SAMD5: variants seen among roughly 807,000 people sequenced by gnomAD.
SAMD5 encodes the protein sterile alpha motif domain containing 5.
A neutral mutation model predicts 11.3 loss-of-function variants in SAMD5; 13 were observed. That is an observed-to-expected ratio of 1.15 (90% CI 0.75 to 1.83). The LOEUF (loss-of-function observed/expected upper bound fraction) is 1.83. Among genes scored for constraint, SAMD5 ranks in the 40% most tolerant of loss-of-function variants. The pLI, the probability that SAMD5 is intolerant of heterozygous loss-of-function variation, is 0.00. For synonymous variants in SAMD5, 129 were observed against 111.3 expected, an observed-to-expected ratio of 1.16 and a Z score of -1.00; for missense variants, 255 against 239.1, an observed-to-expected ratio of 1.07 and a Z score of -0.44.
the SAMD5 span, among the ~76,000 whole-genome samples, chr6:147,945,388 T>C: frequency 6.6e-6 from 1 of 152,236 alleles, no homozygotes; most frequent in Admixed American, 6.5e-5. Flanking sequence ...CTCCAAATTG[T>C]ACATTTCTTG....
the SAMD5 span, among the ~76,000 whole-genome samples, chr6:147,897,201 T>C: frequency 2.0e-5 from 3 of 152,200 alleles, no homozygotes. Flanking sequence ...AAAAATCTTA[T>C]AGCCCCAGCT....
intron 1 of SAMD5, among the ~76,000 whole-genome samples, chr6:147,631,125 G>A (rs916721993): frequency 1.2e-4 from 19 of 152,186 alleles, no homozygotes; most frequent in African/African-American, 4.6e-4. Context: ...GAGAGATTAA[G>A]CTGAAGGAAG....
rs117381777 is a variant in SAMD5, at chr6:147,585,220, G to T, written c.162+75833G>T. Among the ~76,000 whole-genome samples the T allele has an allele frequency of 9.9e-3, 1,514 of 152,244 alleles. 21 individuals are homozygous for T. Among genetic ancestry groups the T allele is most frequent in the Non-Finnish European group, 0.012 (817 of 68,024 alleles). On this transcript the variant is annotated intron_variant, in intron 1 of 1. Transcript: ENST00000566741. Reference sequence around the variant, plus strand: ...GATGGAGGATCTGTTCTGGAGAGGGGTGGAAGCGAGTGGAGGATTTTTAAA... The same window carrying T: ...GATGGAGGATCTGTTCTGGAGAGGGTTGGAAGCGAGTGGAGGATTTTTAAA...
chr6:147,851,153 AG>A, the SAMD5 span, among the ~76,000 whole-genome samples: 1 of 152,140 alleles, frequency 6.6e-6, no homozygotes, highest in South Asian at 2.1e-4. Context: ...CATGTTGGCC[AG>A]GCTGGTCTCA....
chr6:147,864,787 T>A, the SAMD5 span, among the ~76,000 whole-genome samples: 1 of 152,204 alleles, frequency 6.6e-6, no homozygotes, highest in African/African-American at 2.4e-5. Flanking sequence ...CCTTATGATA[T>A]CCCACATATG....
At chr6:147,602,194 C>G (rs182678295) in intron 1 of SAMD5, among the ~76,000 whole-genome samples, 8 of 152,246 alleles carry the variant, frequency 5.3e-5, no homozygotes, top group African/African-American at 1.7e-4. Flanking sequence ...ATCTTTCATT[C>G]CCATTTGGGT....
chr6:147,586,174 G>A (rs1026134785), intron 1 of SAMD5, among the ~76,000 whole-genome samples: 5 of 152,108 alleles, frequency 3.3e-5, no homozygotes, highest in South Asian at 2.1e-4. Context: ...GGGATCATAC[G>A]CTCATATTCA....
chr6:147,657,279 T>A (rs1790585058), intron 1 of SAMD5, among the ~76,000 whole-genome samples: 1 of 152,188 alleles, frequency 6.6e-6, no homozygotes, highest in South Asian at 2.1e-4. Flanking sequence ...CTTGGAATAT[T>A]AATTGTAGAT....
the SAMD5 span, among the ~76,000 whole-genome samples, chr6:147,752,392 A>G: frequency 6.6e-6 from 1 of 152,284 alleles, no homozygotes. Flanking sequence ...ATTTTTATTC[A>G]TGTTTTATAT....
chr6:147,897,974 AAGT>A, the SAMD5 span, among the ~76,000 whole-genome samples: 15 of 139,636 alleles, frequency 1.1e-4, no homozygotes, highest in Non-Finnish European at 1.7e-4. Flanking sequence ...AAAAAAAAAA[AAGT>A]AGCCAGGTGA....
At chr6:147,787,996 T>G in the SAMD5 span, among the ~76,000 whole-genome samples, 49,913 of 151,994 alleles carry the variant, frequency 0.33, 8,946 homozygotes, top group African/African-American at 0.48. Flanking sequence ...GGTGAATGGT[T>G]AATAAGGCTT....
chr6:147,699,299 T>C (rs1042938556), intron 1 of SAMD5, among the ~76,000 whole-genome samples: 6 of 152,184 alleles, frequency 3.9e-5, no homozygotes, highest in African/African-American at 1.4e-4. Context: ...TGGACACATA[T>C]GGGAAAATGA....
chr6:147,778,644 G>C, the SAMD5 span, among the ~76,000 whole-genome samples: 2 of 152,058 alleles, frequency 1.3e-5, no homozygotes, highest in African/African-American at 4.8e-5. Flanking sequence ...CTTTGATTGG[G>C]TCTTGGTTCA....
the SAMD5 span, among the ~76,000 whole-genome samples, chr6:147,905,968 G>A: frequency 2.6e-5 from 4 of 152,114 alleles, no homozygotes; most frequent in Non-Finnish European, 5.9e-5. Flanking sequence ...CTTGTTTCCT[G>A]TTGTCTCAGC....
Position 147,565,410 on chromosome 6 carries a change from CTAGAGTTTTTCTAA to C in SAMD5, c.*956_*969del. ...GTGGGGGGAGGAAATTAACAGGAAT[CTAGAGTTTTTCTAA>C]TTCTTATCGTCTTATCGTTCTTGTG... On this transcript the variant is annotated 3_prime_UTR_variant, in exon 2 of 2. Coordinates refer to ENST00000367474, the MANE Select transcript of SAMD5 (RefSeq NM_001030060.3). 8.1e-6 allele frequency: 8 copies of C among 984,858 alleles called. No individual in the cohort carries two copies. The highest frequency in any genetic ancestry group is 7.2e-6 in the Non-Finnish European group (6 of 829,654). 61.0% of individuals were successfully genotyped at this position (984,858 alleles called of 1,614,324 possible).
At chr6:147,911,510 C>T in the SAMD5 span, among the ~76,000 whole-genome samples, 1 of 152,216 alleles carries the variant, frequency 6.6e-6, no homozygotes, top group African/African-American at 2.4e-5. Context: ...AGGGCCCCTG[C>T]TCCACACTCC....
intron 1 of SAMD5, among the ~76,000 whole-genome samples, chr6:147,637,673 C>T (rs950565127): frequency 3.3e-5 from 5 of 152,182 alleles, no homozygotes; most frequent in African/African-American, 1.2e-4. Flanking sequence ...CTCAGGAACA[C>T]ATTTTAGCTT....
At chr6:147,866,449 G>A in the SAMD5 span, among the ~76,000 whole-genome samples, 2 of 152,066 alleles carry the variant, frequency 1.3e-5, no homozygotes, top group African/African-American at 2.4e-5. Flanking sequence ...AAAGTGGGAC[G>A]GTAAAGATAC....
chr6:147,671,137 G>A (rs79312166), intron 1 of SAMD5, among the ~76,000 whole-genome samples: 12,310 of 152,210 alleles, frequency 0.081, 668 homozygotes, highest in African/African-American at 0.15. Flanking sequence ...CAGGTCAGTG[G>A]AGCAGTCAGA....
Sources: allele counts gnomAD v4.1 joint callset (sites outside exome capture counted in the v4.1 genomes callset), GRCh38; gene constraint gnomAD v4.1.1; transcripts MANE v1.5; gene names NCBI Gene and HGNC (gene_info 2026-07-23, HGNC 2026-07-21).